RNF220: variants seen among roughly 807,000 people sequenced by gnomAD.
RNF220 encodes ring finger protein 220.
A neutral mutation model predicts 67.1 loss-of-function variants in RNF220; 7 were observed. The observed-to-expected ratio is 0.10, with a 90% CI of 0.06 to 0.20. RNF220 has a LOEUF of 0.20. RNF220 is among the 10% of genes least tolerant of loss of function. The pLI is 1.00. For missense variants in RNF220, 565 were observed against 740.3 expected, an observed-to-expected ratio of 0.76 and a Z score of 2.75; for synonymous variants, 270 against 283.2, an observed-to-expected ratio of 0.95 and a Z score of 0.47.
chr1:44,477,519 A>G (rs1408030195), intron 2 of RNF220, among the ~76,000 whole-genome samples: 3 of 147,306 alleles, frequency 2.0e-5, no homozygotes, highest in Non-Finnish European at 4.4e-5. Flanking sequence ...GCTTGTTTGC[A>G]TTTGAAGAAT....
chr1:44,577,029 T>C (rs1664856986), intron 2 of RNF220, among the ~76,000 whole-genome samples: 1 of 152,152 alleles, frequency 6.6e-6, no homozygotes, highest in African/African-American at 2.4e-5. Flanking sequence ...TAGAGGTATA[T>C]CCAAGGTCTT....
chr1:44,509,065 G>T (rs1033719308), intron 2 of RNF220, among the ~76,000 whole-genome samples: 1 of 152,146 alleles, frequency 6.6e-6, no homozygotes, highest in African/African-American at 2.4e-5. Flanking sequence ...CCCCAGAGTA[G>T]GGTTTCTTAA....
chr1:44,610,103 A>C (rs270736), intron 2 of RNF220, among the ~76,000 whole-genome samples: 148,831 of 152,250 alleles, frequency 0.98, 72,842 homozygotes, highest in Non-Finnish European at 1. Flanking sequence ...GAGGGAGGTG[A>C]GGTAATGAAT....
intron 2 of RNF220, among the ~76,000 whole-genome samples, chr1:44,416,459 A>AC (rs1048519992): frequency 1.3e-5 from 2 of 152,030 alleles, no homozygotes; most frequent in African/African-American, 4.8e-5. Context: ...TACATTTATT[A>AC]CCCCCTTAGC....
intron 2 of RNF220, among the ~76,000 whole-genome samples, chr1:44,573,175 A>G (rs1664569850): frequency 6.6e-6 from 1 of 152,194 alleles, no homozygotes; most frequent in Non-Finnish European, 1.5e-5. Flanking sequence ...AAAACGTCCC[A>G]GGCGATGTGC....
At chr1:44,431,620 G>A (rs1261536374) in intron 2 of RNF220, among the ~76,000 whole-genome samples, 2 of 152,078 alleles carry the variant, frequency 1.3e-5, no homozygotes, top group African/African-American at 2.4e-5. Context: ...CTCTGTTTGT[G>A]GCTATATCTA....
At chr1:44,508,190 G>T (rs1355415544) in intron 2 of RNF220, among the ~76,000 whole-genome samples, 1 of 151,744 alleles carries the variant, frequency 6.6e-6, no homozygotes, top group Non-Finnish European at 1.5e-5. Flanking sequence ...GGGCGGGGGT[G>T]GGGAGCAGTG....
At chr1:44,511,910 T>TGTGC (rs1196991749) in intron 2 of RNF220, among the ~76,000 whole-genome samples, 12 of 124,112 alleles carry the variant, frequency 9.7e-5, no homozygotes, top group South Asian at 2.7e-4. Flanking sequence ...GAGAAGCGTG[T>TGTGC]GTGTGCGTGT....
intron 2 of RNF220, among the ~76,000 whole-genome samples, chr1:44,541,379 G>T (rs941278428): frequency 1.4e-4 from 21 of 152,224 alleles, no homozygotes; most frequent in African/African-American, 5.1e-4. Context: ...AGTAAGCCAA[G>T]ATCGTGCCAC....
chr1:44,553,921 G>T (rs1662869602), intron 2 of RNF220, among the ~76,000 whole-genome samples: 1 of 152,308 alleles, frequency 6.6e-6, no homozygotes, highest in East Asian at 1.9e-4. Context: ...GACCACGGCT[G>T]CAGGAGGAGC....
Position 44,645,859 on chromosome 1 carries a change from C to T in RNF220, c.1445+371C>T, listed in dbSNP as rs1644629378. Among the ~76,000 whole-genome samples the T allele has an allele frequency of 1.3e-5, 2 of 152,208 alleles. No individual in the cohort carries two copies. Among genetic ancestry groups the T allele is most frequent in the Non-Finnish European group, 2.9e-5 (2 of 68,036 alleles). On this transcript the variant is annotated intron_variant, in intron 12 of 14. Coordinates refer to ENST00000361799, the MANE Select transcript of RNF220 (RefSeq NM_018150.4). The surrounding 1 kb of genome is among the most constrained non-coding windows in gnomAD (Gnocchi z 5.0). ...CGGGAGCTAAATTGGTTTCATTTTT[C>T]TTGTCCCGGGTGGCACTCGCAGTGG...
At chr1:44,646,695 AC>A (rs1266051771) in intron 12 of RNF220, among the ~76,000 whole-genome samples, 4 of 152,034 alleles carry the variant, frequency 2.6e-5, no homozygotes, top group African/African-American at 7.2e-5. Context: ...TGAAGGTACA[AC>A]CCACCCAAGG....
chr1:44,472,819 T>G (rs896173685), intron 2 of RNF220, among the ~76,000 whole-genome samples: 3 of 152,214 alleles, frequency 2.0e-5, no homozygotes, highest in African/African-American at 7.2e-5. Flanking sequence ...TCAACCAAAG[T>G]TAAGGAATGC....
intron 2 of RNF220, among the ~76,000 whole-genome samples, chr1:44,442,365 A>G (rs1186338776): frequency 1.3e-5 from 2 of 151,402 alleles, no homozygotes; most frequent in Non-Finnish European, 2.9e-5. Flanking sequence ...CTGGTCTCCA[A>G]CTCTTGGGCT....
At chr1:44,405,638 T>G (rs775485403) in intron 1 of RNF220, 108 bp downstream of exon 1, 7 of 259,236 alleles carry the variant, frequency 2.7e-5, no homozygotes, top group Non-Finnish European at 4.4e-5. Flanking sequence ...GTCCGTTTCC[T>G]AGGGATTCGG....
intron 2 of RNF220, among the ~76,000 whole-genome samples, chr1:44,449,422 A>T (rs1652438727): frequency 6.6e-6 from 1 of 151,862 alleles, no homozygotes; most frequent in South Asian, 2.1e-4. Flanking sequence ...AAAACTGTAT[A>T]TTCTACCTTT....
At chr1:44,521,977 G>A (rs1032822357) in intron 2 of RNF220, among the ~76,000 whole-genome samples, 3 of 152,238 alleles carry the variant, frequency 2.0e-5, no homozygotes, top group Admixed American at 6.5e-5. Flanking sequence ...GGGAGACTGA[G>A]TGTCTCAGAA....
At chr1:44,597,027 A>G (rs2148387418) in intron 2 of RNF220, among the ~76,000 whole-genome samples, 2 of 152,266 alleles carry the variant, frequency 1.3e-5, no homozygotes, top group South Asian at 4.1e-4. Context: ...GAAAAAGAAG[A>G]GAGAAAGGGA....
chr1:44,453,086 A>G (rs1255757660), intron 2 of RNF220, among the ~76,000 whole-genome samples: 2 of 152,174 alleles, frequency 1.3e-5, no homozygotes, highest in African/African-American at 2.4e-5. Context: ...TTTGCTTGCT[A>G]TTGTACATCT....
Sources: gnomAD v4.1 joint callset for allele counts (sites outside exome capture counted in the v4.1 genomes callset) on GRCh38, gnomAD v4.1.1 for gene constraint, Gnocchi (gnomAD v3.1) non-coding constraint, MANE v1.5 for transcripts, NCBI Gene and HGNC (gene_info 2026-07-23, HGNC 2026-07-21) for gene names.